The following SUMF1 variants were observed in gnomAD, a reference collection of about 807,000 sequenced individuals.
SUMF1 encodes the protein formylglycine-generating enzyme.
A neutral mutation model predicts 47.6 loss-of-function variants in SUMF1; 48 were observed. The observed-to-expected ratio is 1.01, with a 90% confidence interval of 0.80 to 1.28. The LOEUF (loss-of-function observed/expected upper bound fraction) is 1.28, where lower values mean the gene tolerates loss of function less well. Ranked by LOEUF, SUMF1 falls within the 50% of genes most tolerant of loss-of-function variation. The pLI is 0.00. For synonymous variants in SUMF1, 230 were observed against 192.1 expected (o/e 1.20, Z -1.63); for missense variants, 571 against 485.4 (o/e 1.18, Z -1.66).
At chr3:4,274,204 C>T (rs1019926574) in intron 8 of SUMF1, among the ~76,000 whole-genome samples, 1 of 152,112 alleles carries the variant, frequency 6.6e-6, no homozygotes, top group Non-Finnish European at 1.5e-5. Context: ...TTCTTCCTCC[C>T]TTCTACACAT....
chr3:4,246,808 T>A (rs1472038013), intron 8 of SUMF1, among the ~76,000 whole-genome samples: 1 of 152,194 alleles, frequency 6.6e-6, no homozygotes, highest in Non-Finnish European at 1.5e-5. Context: ...TTGACCTTTC[T>A]ATGTTTCCCT....
chr3:4,418,072 T>C lies in SUMF1; in HGVS notation c.663A>G (p.Ala221=), dbSNP rs756709971. ...WNDAVAYCTW[A]GKRLPTEAEW... ...CAGCTTCCGTGGGCAGCCGCTTCCCTGCCCAAGTGCAGTAGGCAACCGCAT... is the reference window on the plus strand; with the variant it reads ...CAGCTTCCGTGGGCAGCCGCTTCCCCGCCCAAGTGCAGTAGGCAACCGCAT... Residue 221 remains alanine, a synonymous_variant, in exon 5 of 9, where the codon GCA becomes GCG. Transcript: ENST00000272902. 6.2e-7 allele frequency: 1 copy of C among 1,614,104 alleles called. No individual in the cohort carries two copies. Among genetic ancestry groups the C allele is most frequent in the Admixed American group, 1.7e-5 (1 of 60,028 alleles).
At chr3:4,152,459 T>TA (rs1694357890) in intron 8 of SUMF1, among the ~76,000 whole-genome samples, 1 of 150,730 alleles carries the variant, frequency 6.6e-6, no homozygotes. Context: ...GGATTTGCTT[T>TA]TTTTTTTTCT....
At chr3:4,439,290 G>A (rs879418506) in intron 3 of SUMF1, among the ~76,000 whole-genome samples, 2 of 152,196 alleles carry the variant, frequency 1.3e-5, no homozygotes, top group Admixed American at 6.5e-5. Flanking sequence ...TTAGGAGGCT[G>A]AGGCAGGCGG....
chr3:4,094,008 G>A (rs766562093), intron 8 of SUMF1, among the ~76,000 whole-genome samples: 8 of 152,056 alleles, frequency 5.3e-5, no homozygotes, highest in Non-Finnish European at 1.2e-4. Context: ...GATACAGTAA[G>A]GCCCTGGTCC....
In SUMF1 at chr3:4,435,256, C is replaced by T. The variant is rs1257740057; in HGVS notation, c.519+14010G>A. On this transcript the variant is annotated intron_variant, in intron 3 of 8. Coordinates refer to ENST00000272902, the MANE Select transcript of SUMF1 (RefSeq NM_182760.4). ...ACTTTAAAGGAGCTATTACAATCAT[C>T]GGCTATGAAGCAAAGGTGAATGGTC... Among the ~76,000 whole-genome samples, 3 of 152,068 alleles carry T rather than the reference C, an allele frequency of 2.0e-5. No individual in the cohort carries two copies. In the East Asian group the frequency reaches 5.8e-4, roughly 29 times the overall value.
intron 8 of SUMF1, among the ~76,000 whole-genome samples, chr3:4,371,892 G>C (rs541278988): frequency 1.1e-3 from 170 of 152,284 alleles, no homozygotes; most frequent in Admixed American, 2.5e-3. Flanking sequence ...TGATTCCAAA[G>C]TCTGCACCCT....
At position 4,417,199 on chromosome 3, in the gene SUMF1, A is replaced by C; in HGVS notation, c.769T>G (p.Tyr257Asp). 1 of 1,614,004 alleles carries C rather than the reference A, an allele frequency of 6.2e-7. No individual in the cohort carries two copies. Among genetic ancestry groups the C allele is most frequent in the Non-Finnish European group, 8.5e-7 (1 of 1,179,926 alleles). The change falls in exon 6 of 9, where the codon TAT becomes GAT. Residue 257 changes from tyrosine to aspartate, a missense_variant. Coordinates refer to ENST00000272902, the MANE Select transcript of SUMF1 (RefSeq NM_182760.4). The stretch of plus-strand genomic sequence containing the variant: ...AACTCGCCCTGCCAAATGTTGGCAT[A>C]ATGCTGGCCTTTGGGCTGCAGTTTG... ...GNKLQPKGQH[Y>D]ANIWQGEFPV...
chr3:4,423,310 ACACAC>A (rs1202091624), intron 3 of SUMF1, among the ~76,000 whole-genome samples: 3 of 141,364 alleles, frequency 2.1e-5, no homozygotes, highest in Non-Finnish European at 4.8e-5. Flanking sequence ...ACACACACAC[ACACAC>A]AATGGAATAC....
intron 8 of SUMF1, among the ~76,000 whole-genome samples, chr3:4,372,411 T>A (rs1395843234): frequency 6.6e-6 from 1 of 152,180 alleles, no homozygotes; most frequent in South Asian, 2.1e-4. Flanking sequence ...CATTATTCTT[T>A]CTTTTTATTG....
intron 8 of SUMF1, among the ~76,000 whole-genome samples, chr3:4,085,040 T>C (rs1281817554): frequency 6.6e-6 from 1 of 152,076 alleles, no homozygotes; most frequent in Admixed American, 6.6e-5. Context: ...CTATGCATAT[T>C]AAAATAGAAG....
Position 4,342,576 on chromosome 3 carries a change from T to C in SUMF1, c.1014+33754A>G, listed in dbSNP as rs868124135. ...ATAATAATTATAAAACAAAAGTCAC[T>C]CCTCAGTTTTATATGGCTGGTTTCA... On this transcript the variant is annotated intron_variant and NMD_transcript_variant, in intron 8 of 12. Coordinates refer to the SUMF1 transcript ENST00000448413. 4.6e-5 allele frequency among the ~76,000 whole-genome samples: 7 copies of C among 152,244 alleles called. No individual in the cohort carries two copies. The South Asian group carries it at 1.5e-3, about 32-fold the overall frequency.
At chr3:4,433,982 C>T (rs1702316647) in intron 3 of SUMF1, among the ~76,000 whole-genome samples, 1 of 152,194 alleles carries the variant, frequency 6.6e-6, no homozygotes, top group Non-Finnish European at 1.5e-5. Flanking sequence ...CATTCTGATA[C>T]ATACTACAAC....
rs1695708438 is a variant in SUMF1, at chr3:4,208,641, CA to C, written c.1015-139897del. On this transcript the variant is annotated intron_variant and NMD_transcript_variant, in intron 8 of 12. Transcript: ENST00000448413. ...AGAGACGAAAATTCTAAGAAAGAAC[CA>C]AAAGACATGCCAGACATCAAAAACA... 7.2e-5 allele frequency among the ~76,000 whole-genome samples: 11 copies of C among 151,768 alleles called. No individual in the cohort carries two copies. In the South Asian group the frequency reaches 2.3e-3, roughly 32 times the overall value.
rs187019824 is a variant in SUMF1 at position 4,056,866 on chromosome 3, T to C, written c.1191+11703A>G. 3.0e-4 allele frequency among the ~76,000 whole-genome samples: 45 copies of C among 152,086 alleles called. No homozygotes were observed. In the East Asian group the frequency reaches 7.9e-3, roughly 27 times the overall value. On this transcript the variant is annotated intron_variant and NMD_transcript_variant, in intron 9 of 12. Coordinates refer to the SUMF1 transcript ENST00000448413. ...ACGCCATTCTCCTGCCTCAGTCTCCTGAGTAGCTGGGACTACAGGTGCCTG... is the reference window on the plus strand; with the variant it reads ...ACGCCATTCTCCTGCCTCAGTCTCCCGAGTAGCTGGGACTACAGGTGCCTG...
Position 4,306,542 on chromosome 3 carries a change from AG to A in SUMF1, c.1014+69787del, listed in dbSNP as rs3842577. On this transcript the variant is annotated intron_variant and NMD_transcript_variant, in intron 8 of 12. Transcript: ENST00000448413. ...TCTGTATATGCACAGCTCCCAATAAAGTTAGAGTTACAAAAATAAGACAGGA... is the reference window on the plus strand; with the variant it reads ...TCTGTATATGCACAGCTCCCAATAAATTAGAGTTACAAAAATAAGACAGGA... 2.8e-3 allele frequency among the ~76,000 whole-genome samples: 422 copies of A among 152,334 alleles called. 5 individuals carry two copies. Among genetic ancestry groups the A allele is most frequent in the East Asian group, 7.5e-3 (39 of 5,186 alleles).
chr3:4,255,885 T>C (rs1696940489), intron 8 of SUMF1, among the ~76,000 whole-genome samples: 1 of 99,980 alleles, frequency 1.0e-5, no homozygotes, highest in African/African-American at 4.8e-5. Flanking sequence ...CCTCAGCAAA[T>C]GTAAAAGAAC....
intron 8 of SUMF1, among the ~76,000 whole-genome samples, chr3:4,211,226 A>ATATG (rs1457657885): frequency 1.5e-5 from 2 of 136,910 alleles, no homozygotes; most frequent in African/African-American, 5.7e-5. Flanking sequence ...ATATATATAT[A>ATATG]TCCTATTAGT....
intron 8 of SUMF1, among the ~76,000 whole-genome samples, chr3:4,351,021 A>C (rs963858515): frequency 1.2e-4 from 18 of 152,268 alleles, no homozygotes; most frequent in African/African-American, 3.4e-4. Flanking sequence ...AACCACTTTG[A>C]GCTACCACTC....
Sources: gnomAD v4.1 joint callset for allele counts (sites outside exome capture counted in the v4.1 genomes callset) on GRCh38, gnomAD v4.1.1 for gene constraint, MANE v1.5 for transcripts, NCBI Gene and HGNC (gene_info 2026-07-23, HGNC 2026-07-21) for gene names.